Variants in MACROD2 observed in about 807,000 individuals in gnomAD.
MACROD2 encodes ADP-ribose glycohydrolase MACROD2.
MACROD2 carries 36 observed loss-of-function variants against 70.4 expected under a neutral mutation model. The observed-to-expected ratio is 0.51, with a 90% confidence interval of 0.39 to 0.68. The LOEUF is 0.68. Among genes scored for constraint, MACROD2 ranks in the 30% least tolerant of loss-of-function variants. MACROD2 has a pLI of 0.00. For synonymous variants in MACROD2, 172 were observed against 178.8 expected (o/e 0.96, Z 0.30); for missense variants, 496 against 538.4 (o/e 0.92, Z 0.78).
chr20:15,421,763 AGGTCTTCCTGGGAGTTT>A (rs1284336556), intron 6 of MACROD2, among the ~76,000 whole-genome samples: 2 of 152,196 alleles, frequency 1.3e-5, no homozygotes, highest in African/African-American at 4.8e-5. Flanking sequence ...AACAAAGCAA[AGGTCTTCCTGGGAGTTT>A]GCAACTCAGG....
At chr20:14,937,007 C>A (rs1264991529) in intron 5 of MACROD2, among the ~76,000 whole-genome samples, 9 of 152,074 alleles carry the variant, frequency 5.9e-5, no homozygotes. Context: ...CTAAAGGAAG[C>A]TTTAGGCAAG....
chr20:15,782,631 C>G lies in MACROD2; in HGVS notation c.646-80114C>G, dbSNP rs538619036. On this transcript the variant is annotated intron_variant, in intron 8 of 17. Transcript: ENST00000684519. ...AGCCCTATAACCATTTTCCTTTCAC[C>G]TTCAAATTGGTCAAATCAGTTACAA... 2.8e-5 allele frequency among the ~76,000 whole-genome samples: 4 copies of G among 145,028 alleles called. No homozygotes were observed. The South Asian group carries it at 8.6e-4, about 31-fold the overall frequency.
At chr20:15,297,136 G>C (rs1201797188) in intron 6 of MACROD2, among the ~76,000 whole-genome samples, 1 of 152,162 alleles carries the variant, frequency 6.6e-6, no homozygotes. Context: ...GAGGGCCCCT[G>C]CATCACTTAA....
chr20:15,678,363 C>CTT (rs534273474), intron 8 of MACROD2, among the ~76,000 whole-genome samples: 51 of 143,682 alleles, frequency 3.5e-4, no homozygotes, highest in East Asian at 1.2e-3. Context: ...AAGGCCCCAT[C>CTT]TTTTTTTTTT....
intron 6 of MACROD2, among the ~76,000 whole-genome samples, chr20:15,393,498 A>G (rs1315808016): frequency 6.6e-6 from 1 of 151,834 alleles, no homozygotes; most frequent in Non-Finnish European, 1.5e-5. Flanking sequence ...TGTTTGTGCA[A>G]TCCATCTCTT....
At chr20:15,709,091 C>G (rs1411710359) in intron 8 of MACROD2, among the ~76,000 whole-genome samples, 1 of 151,988 alleles carries the variant, frequency 6.6e-6, no homozygotes, top group Non-Finnish European at 1.5e-5. Context: ...ATAGGTATTA[C>G]AGGGTTCTTT....
chr20:15,217,283 G>A (rs147607671), intron 5 of MACROD2, among the ~76,000 whole-genome samples: 106 of 152,286 alleles, frequency 7.0e-4, no homozygotes, highest in South Asian at 1.9e-3. Context: ...AAGTACTAGT[G>A]ATAAGTAGTA....
chr20:14,086,239 A>G (rs1214194890), intron 3 of MACROD2: 2 of 370,348 alleles, frequency 5.4e-6, no homozygotes, highest in African/African-American at 2.1e-5. Flanking sequence ...TAACCAGCAT[A>G]TTTTAATTAT....
intron 15 of MACROD2, among the ~76,000 whole-genome samples, chr20:16,009,514 C>T (rs1465216851): frequency 4.6e-5 from 7 of 152,054 alleles, no homozygotes; most frequent in African/African-American, 1.5e-4. Flanking sequence ...CCCAGCACTT[C>T]GGGAGGCCGA....
intron 6 of MACROD2, among the ~76,000 whole-genome samples, chr20:15,391,542 C>T (rs2045791985): frequency 2.6e-5 from 4 of 152,160 alleles, no homozygotes; most frequent in Non-Finnish European, 5.9e-5. Context: ...GAGTCCATGT[C>T]TTATGGAAGT....
chr20:14,724,434 C>A (rs1416242987), intron 5 of MACROD2, among the ~76,000 whole-genome samples: 3 of 152,008 alleles, frequency 2.0e-5, no homozygotes, highest in Non-Finnish European at 4.4e-5. Flanking sequence ...GTAGGGATGC[C>A]CCATAAGAGA....
At chr20:15,283,381 T>A (rs1179477523) in intron 6 of MACROD2, among the ~76,000 whole-genome samples, 15 of 152,148 alleles carry the variant, frequency 9.9e-5, no homozygotes, top group Admixed American at 9.2e-4. Context: ...CTTAGAAAAA[T>A]ACATATCAAG....
intron 10 of MACROD2, among the ~76,000 whole-genome samples, chr20:15,917,870 C>G (rs751412298): frequency 5.3e-5 from 8 of 150,926 alleles, no homozygotes; most frequent in Non-Finnish European, 1.0e-4. Context: ...AAAAAAAAAG[C>G]TGAAGGAAGA....
At chr20:15,198,904 C>T (rs1164920377) in intron 5 of MACROD2, among the ~76,000 whole-genome samples, 1 of 151,890 alleles carries the variant, frequency 6.6e-6, no homozygotes, top group African/African-American at 2.4e-5. Context: ...GTTCGAGTTT[C>T]ATAGATTGTT....
chr20:15,191,047 A>T (rs2076567234), intron 5 of MACROD2, among the ~76,000 whole-genome samples: 1 of 152,170 alleles, frequency 6.6e-6, no homozygotes, highest in African/African-American at 2.4e-5. Context: ...AAATATAGAA[A>T]ACTGTATACA....
chr20:15,941,508 G>A lies in MACROD2; in HGVS notation c.907+3964G>A, dbSNP rs182484218. ...TACCTAGCTTAGAAAAAAAAAATCCGTTGAAATCCTTCAAGATTGAGGTCA... is the reference window on the plus strand; with the variant it reads ...TACCTAGCTTAGAAAAAAAAAATCCATTGAAATCCTTCAAGATTGAGGTCA... On this transcript the variant is annotated intron_variant, in intron 12 of 17. Transcript: ENST00000684519. Among the ~76,000 whole-genome samples, 685 of 151,932 alleles carry A rather than the reference G, an allele frequency of 4.5e-3. 4 individuals carry two copies. The highest frequency in any genetic ancestry group is 0.016 in the African/African-American group (650 of 41,442).
intron 3 of MACROD2, among the ~76,000 whole-genome samples, chr20:14,101,140 C>G (rs1463681911): frequency 6.6e-6 from 1 of 151,576 alleles, no homozygotes; most frequent in Non-Finnish European, 1.5e-5. Flanking sequence ...ATTTTCTAGG[C>G]ATATACATTT....
intron 15 of MACROD2, among the ~76,000 whole-genome samples, chr20:16,034,767 C>T (rs767785919): frequency 2.6e-5 from 4 of 151,716 alleles, no homozygotes; most frequent in Non-Finnish European, 5.9e-5. Context: ...ATCACCTGAG[C>T]AGTATATACT....
intron 5 of MACROD2, among the ~76,000 whole-genome samples, chr20:14,773,759 T>A (rs80034682): frequency 0.056 from 8,454 of 152,136 alleles, 308 homozygotes; most frequent in African/African-American, 0.084. Flanking sequence ...TGGTGCCTGT[T>A]TTAATTTGCT....
Sources: gnomAD v4.1 joint callset for allele counts (sites outside exome capture counted in the v4.1 genomes callset) on GRCh38, gnomAD v4.1.1 for gene constraint, MANE v1.5 for transcripts, NCBI Gene and HGNC (gene_info 2026-07-23, HGNC 2026-07-21) for gene names.